The following PDE4B variants were observed in gnomAD, a reference collection of about 807,000 sequenced individuals.
The protein encoded by PDE4B is 3',5'-cyclic-AMP phosphodiesterase 4B.
Under a neutral mutation model 82.2 loss-of-function variants are expected in PDE4B, and 20 were observed. The observed-to-expected ratio is 0.24, with a 90% confidence interval of 0.17 to 0.35. PDE4B has a LOEUF of 0.35. Ranked by LOEUF, PDE4B falls within the 10% of genes least tolerant of loss-of-function variation. The pLI is 1.00. For synonymous variants in PDE4B, 320 were observed against 318.9 expected, an observed-to-expected ratio of 1.00 and a Z score of -0.04; for missense variants, 655 against 907.2, an observed-to-expected ratio of 0.72 and a Z score of 3.57.
intron 7 of PDE4B, among the ~76,000 whole-genome samples, chr1:66,285,536 C>T (rs1211409534): frequency 6.6e-6 from 1 of 151,988 alleles, no homozygotes; most frequent in Non-Finnish European, 1.5e-5. Flanking sequence ...GCCATTATTT[C>T]ACTCTATATG....
At chr1:66,109,729 T>G (rs568371986) in intron 3 of PDE4B, among the ~76,000 whole-genome samples, 5 of 151,962 alleles carry the variant, frequency 3.3e-5, no homozygotes, top group Non-Finnish European at 5.9e-5. Context: ...GGGATACATG[T>G]ATATGTTTGT....
At position 65,955,719 on chromosome 1, in the gene PDE4B, C is replaced by G. The variant is rs555490149; in HGVS notation, c.281+36884C>G. 5.3e-5 allele frequency among the ~76,000 whole-genome samples: 8 copies of G among 152,238 alleles called. No homozygotes were observed. The South Asian group carries it at 1.7e-3, about 32-fold the overall frequency. On this transcript the variant is annotated intron_variant, in intron 3 of 16. Coordinates refer to ENST00000341517, the MANE Select transcript of PDE4B (RefSeq NM_002600.4). ...TCAAAACTGACTCACATTTCACCTC[C>G]TGGGGAAGGTGCCCCAATTCCCTTT...
At chr1:65,949,980 G>A (rs1203861024) in intron 3 of PDE4B, among the ~76,000 whole-genome samples, 1 of 152,014 alleles carries the variant, frequency 6.6e-6, no homozygotes, top group Non-Finnish European at 1.5e-5. Context: ...TTTCTCTGAT[G>A]CACTGCTAAC....
At chr1:65,883,440 T>C (rs1038407213) in intron 1 of PDE4B, among the ~76,000 whole-genome samples, 4 of 152,052 alleles carry the variant, frequency 2.6e-5, no homozygotes, top group Non-Finnish European at 5.9e-5. Context: ...AGTTCACTCA[T>C]GATTTGGCTC....
At chr1:66,017,262 G>A (rs1437445272) in intron 3 of PDE4B, among the ~76,000 whole-genome samples, 1 of 152,092 alleles carries the variant, frequency 6.6e-6, no homozygotes, top group Non-Finnish European at 1.5e-5. Context: ...AATGTTTGCT[G>A]AATTTCCCTA....
chr1:66,313,481 G>A (rs1658808500), intron 7 of PDE4B, among the ~76,000 whole-genome samples: 1 of 152,078 alleles, frequency 6.6e-6, no homozygotes, highest in South Asian at 2.1e-4. Context: ...CCTGGCCTCA[G>A]TCTCATCATG....
At chr1:66,243,365 T>C (rs1451448406) in intron 3 of PDE4B, among the ~76,000 whole-genome samples, 2 of 152,198 alleles carry the variant, frequency 1.3e-5, no homozygotes, top group Admixed American at 1.3e-4. Context: ...ACCTACTGTT[T>C]ACAAGGCTCT....
rs999655632 is a variant in PDE4B at position 66,342,144 on chromosome 1, G to A, written c.747+9524G>A. ...CTATTAATGTAATTATTTAAATGTC[G>A]GGAAAAATCAAGGGAAAATGACTCG... is the stretch of plus-strand genomic sequence containing the variant. On this transcript the variant is annotated intron_variant, in intron 8 of 16. Coordinates refer to ENST00000341517, the MANE Select transcript of PDE4B (RefSeq NM_002600.4). 4.6e-5 allele frequency among the ~76,000 whole-genome samples: 7 copies of A among 152,058 alleles called. No individual in the cohort carries two copies. In the East Asian group the frequency reaches 5.8e-4, roughly 13 times the overall value.
intron 12 of PDE4B, among the ~76,000 whole-genome samples, chr1:66,364,577 A>C (rs1663084755): frequency 6.6e-6 from 1 of 152,176 alleles, no homozygotes; most frequent in Non-Finnish European, 1.5e-5. Context: ...GGAAGGTGAA[A>C]AAAGATTGGC....
At chr1:66,106,629 G>C (rs9436317) in intron 3 of PDE4B, among the ~76,000 whole-genome samples, 150,961 of 151,414 alleles carry the variant, frequency 1, 75,256 homozygotes, top group Middle Eastern at 1. Context: ...TGTTATTGGT[G>C]TATTCAGAGA....
intron 7 of PDE4B, among the ~76,000 whole-genome samples, chr1:66,269,971 C>T (rs1655344912): frequency 1.3e-5 from 2 of 152,066 alleles, no homozygotes; most frequent in South Asian, 4.1e-4. Flanking sequence ...TAAAATTTAT[C>T]AGTAAATTTA....
At chr1:65,994,162 TGAG>T (rs1285499063) in intron 3 of PDE4B, among the ~76,000 whole-genome samples, 2 of 152,190 alleles carry the variant, frequency 1.3e-5, no homozygotes, top group African/African-American at 4.8e-5. Flanking sequence ...CATTATAAAT[TGAG>T]GAGATCTGAT....
intron 1 of PDE4B, among the ~76,000 whole-genome samples, chr1:65,810,831 C>A (rs781461693): frequency 2.5e-4 from 38 of 151,952 alleles, no homozygotes; most frequent in Non-Finnish European, 3.4e-4. Flanking sequence ...TAAGTGCTAC[C>A]CCCTTTTCAT....
intron 7 of PDE4B, among the ~76,000 whole-genome samples, chr1:66,278,048 T>C (rs1345384910): frequency 6.6e-6 from 1 of 152,204 alleles, no homozygotes; most frequent in Non-Finnish European, 1.5e-5. Context: ...AAATAAATAT[T>C]AGTTGTTTTT....
chr1:65,994,339 A>G (rs1178444316), intron 3 of PDE4B, among the ~76,000 whole-genome samples: 2 of 152,172 alleles, frequency 1.3e-5, no homozygotes, highest in Non-Finnish European at 2.9e-5. Flanking sequence ...TGCCTGGCAT[A>G]TATGATGTGC....
At chr1:66,095,483 G>T (rs971785349) in intron 3 of PDE4B, among the ~76,000 whole-genome samples, 8 of 151,814 alleles carry the variant, frequency 5.3e-5, no homozygotes, top group African/African-American at 1.2e-4. Flanking sequence ...TACAAATCAG[G>T]TTCCCTGATT....
intron 1 of PDE4B, among the ~76,000 whole-genome samples, chr1:65,793,503 T>C (rs1645597357): frequency 6.6e-6 from 1 of 152,022 alleles, no homozygotes; most frequent in South Asian, 2.1e-4. Flanking sequence ...GACAAGTCAC[T>C]GGGGAGGAGA....
intron 7 of PDE4B, chr1:66,331,836 AT>A (rs1377583833): frequency 1.0e-6 from 1 of 985,274 alleles, no homozygotes; most frequent in Non-Finnish European, 1.2e-6. Context: ...CTGGAGTCTT[AT>A]CAGGGAGACC....
chr1:65,889,118 C>A (rs1040510258), intron 1 of PDE4B, among the ~76,000 whole-genome samples: 8 of 152,040 alleles, frequency 5.3e-5, no homozygotes, highest in Non-Finnish European at 1.0e-4. Flanking sequence ...TCTTCTATGC[C>A]TAATTTCATG....
Sources: gnomAD v4.1 joint callset for allele counts (sites outside exome capture counted in the v4.1 genomes callset) on GRCh38, gnomAD v4.1.1 for gene constraint, MANE v1.5 for transcripts, NCBI Gene and HGNC (gene_info 2026-07-23, HGNC 2026-07-21) for gene names.